The following RABGAP1L variants were observed in gnomAD, a reference collection of about 807,000 sequenced individuals.
RABGAP1L encodes the protein rab GTPase-activating protein 1-like.
RABGAP1L carries 63 observed loss-of-function variants against 137.7 expected under a neutral mutation model. That is an observed-to-expected ratio of 0.46 (90% CI 0.37 to 0.56). RABGAP1L has a LOEUF of 0.56. Among genes scored for constraint, RABGAP1L ranks in the 20% least tolerant of loss-of-function variants. The probability of loss-of-function intolerance (pLI) is 0.00; values close to 1 mark genes in which losing one functional copy is unlikely to be tolerated. For missense variants in RABGAP1L, 1,095 were observed against 1,244.0 expected, an observed-to-expected ratio of 0.88 and a Z score of 1.80; for synonymous variants, 431 against 433.7, an observed-to-expected ratio of 0.99 and a Z score of 0.08.
At chr1:174,512,457 C>T (rs193150815) in intron 13 of RABGAP1L, among the ~76,000 whole-genome samples, 71 of 152,172 alleles carry the variant, frequency 4.7e-4, no homozygotes, top group Admixed American at 1.3e-3. Context: ...AAAATAGGAA[C>T]GTAAGGAAGA....
intron 18 of RABGAP1L, chr1:174,756,865 A>T: frequency 1.6e-6 from 1 of 621,430 alleles, no homozygotes. Flanking sequence ...AGAAGGTGTC[A>T]CACCACTCTC....
chr1:174,300,866 A>AAATG (rs948232148), intron 10 of RABGAP1L, among the ~76,000 whole-genome samples: 15 of 152,296 alleles, frequency 9.8e-5, no homozygotes, highest in South Asian at 4.1e-4. Flanking sequence ...ACTCTATCTC[A>AAATG]AATGAATGAA....
chr1:174,757,066 CT>C (rs995390450), intron 18 of RABGAP1L: 22 of 532,274 alleles, frequency 4.1e-5, no homozygotes, highest in Non-Finnish European at 6.8e-5. Flanking sequence ...TCCCTACTGG[CT>C]TTTCCCCCAC....
At chr1:174,227,437 A>G (rs1670278988) in intron 3 of RABGAP1L, among the ~76,000 whole-genome samples, 1 of 151,200 alleles carries the variant, frequency 6.6e-6, no homozygotes, top group South Asian at 2.1e-4. Flanking sequence ...TCTTGACCTC[A>G]TGATCTGCCT....
At chr1:174,256,302 T>A (rs1183303794) in intron 7 of RABGAP1L, among the ~76,000 whole-genome samples, 1 of 152,182 alleles carries the variant, frequency 6.6e-6, no homozygotes, top group Non-Finnish European at 1.5e-5. Context: ...TATTGCTGCA[T>A]AGTTTATATG....
chr1:174,887,615 G>T (rs1020232695), intron 19 of RABGAP1L, among the ~76,000 whole-genome samples: 3 of 151,820 alleles, frequency 2.0e-5, no homozygotes, highest in East Asian at 1.9e-4. Context: ...AAAAACTTGG[G>T]GGGGGGGTCA....
intron 17 of RABGAP1L, among the ~76,000 whole-genome samples, chr1:174,704,909 A>G (rs1445794004): frequency 6.6e-6 from 1 of 152,234 alleles, no homozygotes; most frequent in African/African-American, 2.4e-5. Context: ...GAATATTAAA[A>G]TAAGTGAATG....
chr1:174,784,474 TGTG>T (rs1467445884), intron 18 of RABGAP1L, among the ~76,000 whole-genome samples: 2 of 152,142 alleles, frequency 1.3e-5, no homozygotes, highest in African/African-American at 4.8e-5. Flanking sequence ...CCTCCTATAT[TGTG>T]GTGGGAGGTG....
chr1:174,629,895 G>T (rs113322696), intron 13 of RABGAP1L, among the ~76,000 whole-genome samples: 13,395 of 152,190 alleles, frequency 0.088, 834 homozygotes, highest in East Asian at 0.22. Flanking sequence ...CTTAAATATG[G>T]AAGGTCAAGT....
At chr1:174,251,762 CT>C (rs965443872) in intron 6 of RABGAP1L, among the ~76,000 whole-genome samples, 1 of 152,144 alleles carries the variant, frequency 6.6e-6, no homozygotes, top group Non-Finnish European at 1.5e-5. Flanking sequence ...TTCTCACTTC[CT>C]TTGCTTTGGA....
rs142080315 is a variant in RABGAP1L at position 174,605,000 on chromosome 1, G to A, written c.1711-32375G>A. Among the ~76,000 whole-genome samples the A allele has an allele frequency of 1.3e-3, 203 of 152,230 alleles. 1 individual carries two copies. The highest frequency in any genetic ancestry group is 4.6e-3 in the African/African-American group (191 of 41,532). On this transcript the variant is annotated intron_variant, in intron 13 of 25. Transcript: ENST00000681986. ...TACCAAAAATACAAAAATTTGCTGG[G>A]CGTGGTGGCACATACCTGTAATCCT...
chr1:174,880,870 A>G (rs1019238366), intron 19 of RABGAP1L, among the ~76,000 whole-genome samples: 2 of 152,126 alleles, frequency 1.3e-5, no homozygotes, highest in African/African-American at 4.8e-5. Context: ...TACATGTATG[A>G]ACCATCACAC....
chr1:174,612,699 A>G (rs1396754180), intron 13 of RABGAP1L, among the ~76,000 whole-genome samples: 1 of 152,042 alleles, frequency 6.6e-6, no homozygotes, highest in South Asian at 2.1e-4. Context: ...ACTCTTTTTG[A>G]TTGGTAAGCT....
At chr1:174,895,604 C>T (rs894421832) in intron 19 of RABGAP1L, among the ~76,000 whole-genome samples, 4 of 152,062 alleles carry the variant, frequency 2.6e-5, no homozygotes, top group Non-Finnish European at 5.9e-5. Context: ...CCCCCCACCC[C>T]ATGACGGGCC....
chr1:174,842,999 A>G lies in RABGAP1L; in HGVS notation c.2340+31039A>G, dbSNP rs1238795380. Among the ~76,000 whole-genome samples the G allele has an allele frequency of 3.9e-5, 6 of 152,300 alleles. No homozygotes were observed. The East Asian group carries it at 5.8e-4, about 15-fold the overall frequency. On this transcript the variant is annotated intron_variant, in intron 19 of 25. Coordinates refer to ENST00000681986, the MANE Select transcript of RABGAP1L (RefSeq NM_001366446.1). ...GTTTGTCAAAGCAAAAATTCCCAACATTTTGTAAACACCACTAATTACTTT... is the reference window on the plus strand; with the variant it reads ...GTTTGTCAAAGCAAAAATTCCCAACGTTTTGTAAACACCACTAATTACTTT...
rs1020839110 is a variant in RABGAP1L, at chr1:174,429,753, A to T, written c.1710+35608A>T. Among the ~76,000 whole-genome samples, 10 of 151,308 alleles carry T rather than the reference A, an allele frequency of 6.6e-5. 1 individual carries two copies. The highest frequency in any genetic ancestry group is 1.7e-4 in the African/African-American group (7 of 41,146). On this transcript the variant is annotated intron_variant, in intron 13 of 25. Transcript: ENST00000681986. Reference sequence around the variant, plus strand: ...AGACTCCATCTCAAAAAAAAAAAATAAAAATAAAAATAAAGATAAACCAGT... The same window carrying T: ...AGACTCCATCTCAAAAAAAAAAAATTAAAATAAAAATAAAGATAAACCAGT...
At chr1:174,366,819 C>T (rs1182217207) in intron 11 of RABGAP1L, among the ~76,000 whole-genome samples, 1 of 144,406 alleles carries the variant, frequency 6.9e-6, no homozygotes, top group East Asian at 2.2e-4. Flanking sequence ...AAGTTTAGCA[C>T]TAACAGTATC....
chr1:174,524,934 T>C (rs992733178), intron 13 of RABGAP1L, among the ~76,000 whole-genome samples: 4 of 152,156 alleles, frequency 2.6e-5, no homozygotes, highest in Non-Finnish European at 5.9e-5. Flanking sequence ...GGTGCCTTTG[T>C]CAAAAATCAG....
At chr1:174,457,862 C>G (rs1370348858) in intron 13 of RABGAP1L, among the ~76,000 whole-genome samples, 1 of 152,104 alleles carries the variant, frequency 6.6e-6, no homozygotes, top group Non-Finnish European at 1.5e-5. Flanking sequence ...CTTGTGATTA[C>G]AAGTGAATGT....
Sources: allele counts gnomAD v4.1 joint callset (sites outside exome capture counted in the v4.1 genomes callset), GRCh38; gene constraint gnomAD v4.1.1; transcripts MANE v1.5; gene names NCBI Gene and HGNC (gene_info 2026-07-23, HGNC 2026-07-21).